Variants in STX8 observed in about 807,000 individuals in gnomAD.
The protein encoded by STX8 is syntaxin-8.
A neutral mutation model predicts 37.5 loss-of-function variants in STX8; 23 were observed. The ratio of observed to expected loss-of-function variants is 0.61; its 90% CI spans 0.44 to 0.87. The LOEUF is 0.87. STX8 is among the 40% of genes least tolerant of loss of function. The probability of loss-of-function intolerance (pLI) is 0.00; values close to 1 mark genes in which losing one functional copy is unlikely to be tolerated. For missense variants in STX8, 313 were observed against 284.7 expected (o/e 1.10, Z -0.71); for synonymous variants, 115 against 99.1 (o/e 1.16, Z -0.95).
chr17:9,457,967 AC>A (rs934920407), intron 6 of STX8, among the ~76,000 whole-genome samples: 1 of 152,226 alleles, frequency 6.6e-6, no homozygotes, highest in Non-Finnish European at 1.5e-5. Flanking sequence ...CATCATATTC[AC>A]TATAATGTAG....
chr17:9,257,759 G>A (rs764278090), intron 7 of STX8, among the ~76,000 whole-genome samples: 3 of 152,240 alleles, frequency 2.0e-5, no homozygotes, highest in Non-Finnish European at 2.9e-5. Context: ...AGGCCAAGGC[G>A]AGTGGATCAC....
intron 2 of STX8, among the ~76,000 whole-genome samples, chr17:9,560,825 T>C (rs887133647): frequency 3.3e-5 from 5 of 151,786 alleles, no homozygotes; most frequent in Non-Finnish European, 7.4e-5. Flanking sequence ...ACCATGAATA[T>C]GTATAATGTT....
chr17:9,300,523 A>G (rs905996221), intron 7 of STX8, among the ~76,000 whole-genome samples: 6 of 151,962 alleles, frequency 3.9e-5, no homozygotes, highest in Non-Finnish European at 7.4e-5. Context: ...TCGTAGATCT[A>G]CTTCTTGTTG....
At chr17:9,290,748 T>C (rs1908284251) in intron 7 of STX8, among the ~76,000 whole-genome samples, 1 of 152,186 alleles carries the variant, frequency 6.6e-6, no homozygotes, top group African/African-American at 2.4e-5. Context: ...ATATCCGATA[T>C]ATACCTGTAG....
intron 7 of STX8, among the ~76,000 whole-genome samples, chr17:9,298,680 C>T (rs1350959961): frequency 1.3e-5 from 2 of 152,040 alleles, no homozygotes; most frequent in African/African-American, 4.8e-5. Flanking sequence ...GGTGTGGTGG[C>T]GGACATCTGT....
chr17:9,430,649 CT>C (rs34803730), intron 6 of STX8, among the ~76,000 whole-genome samples: 53,123 of 120,380 alleles, frequency 0.44, 9,235 homozygotes, highest in African/African-American at 0.55. Flanking sequence ...GTGGTTTTGG[CT>C]TTTTTTTTTT....
rs35962202 is a variant in STX8 at position 9,535,424 on chromosome 17, C to CTTTTTTTTTTTTTTTTTTTT, written c.323+9728_323+9747dup. ...CATACCCTCTGACCCAGCCATCCTA[C>CTTTTTTTTTTTTTTTTTTTT]TTTTTTTTTTTTTTTTTTTTTTTTT... On this transcript the variant is annotated intron_variant, in intron 4 of 7. Transcript: ENST00000306357. Among the ~76,000 whole-genome samples, 145 of 51,560 alleles carry CTTTTTTTTTTTTTTTTTTTT rather than the reference C, an allele frequency of 2.8e-3. 33 individuals carry two copies. Among genetic ancestry groups the CTTTTTTTTTTTTTTTTTTTT allele is most frequent in the Admixed American group, 6.3e-3 (17 of 2,686 alleles). The allele number at this position is 51,560 out of a possible 152,430, so 33.8% of individuals were successfully genotyped here.
rs369030573 is a variant in STX8, at chr17:9,558,095, G to A, written c.118-567C>T. Among the ~76,000 whole-genome samples, 5 of 152,208 alleles carry A rather than the reference G, an allele frequency of 3.3e-5. No individual in the cohort carries two copies. In the South Asian group the frequency reaches 1.0e-3, roughly 32 times the overall value. ...CATGACTCTTTTCCCAGGAGGGTGCGCATTTTCTCCAATCATCCTACAGGA... is the reference window on the plus strand; with the variant it reads ...CATGACTCTTTTCCCAGGAGGGTGCACATTTTCTCCAATCATCCTACAGGA... On this transcript the variant is annotated intron_variant, in intron 2 of 7. Transcript: ENST00000306357.
chr17:9,440,633 T>C (rs1163192381), intron 6 of STX8, among the ~76,000 whole-genome samples: 2 of 151,944 alleles, frequency 1.3e-5, no homozygotes, highest in East Asian at 3.9e-4. Context: ...CAAGCGATTC[T>C]CCCACCTCAG....
chr17:9,284,493 G>C (rs777805308), intron 7 of STX8, among the ~76,000 whole-genome samples: 6 of 152,190 alleles, frequency 3.9e-5, no homozygotes, highest in Admixed American at 6.5e-5. Flanking sequence ...GAGATACGGA[G>C]ATAAACAATA....
intron 6 of STX8, among the ~76,000 whole-genome samples, chr17:9,399,672 CCTGA>C (rs766184057): frequency 2.6e-5 from 4 of 151,970 alleles, no homozygotes; most frequent in Non-Finnish European, 4.4e-5. Context: ...TCGAGACCAG[CCTGA>C]CTAACATGGC....
At chr17:9,276,287 T>C (rs1305352913) in intron 7 of STX8, among the ~76,000 whole-genome samples, 1 of 152,174 alleles carries the variant, frequency 6.6e-6, no homozygotes, top group Non-Finnish European at 1.5e-5. Flanking sequence ...TCTGCCTTGG[T>C]TCCTAACGAA....
chr17:9,300,051 G>C (rs575403316), intron 7 of STX8, among the ~76,000 whole-genome samples: 4 of 152,042 alleles, frequency 2.6e-5, no homozygotes, highest in Non-Finnish European at 4.4e-5. Flanking sequence ...CCCCAATTAG[G>C]CAGGGTGCGG....
intron 7 of STX8, among the ~76,000 whole-genome samples, chr17:9,291,035 G>A (rs919411212): frequency 3.3e-5 from 5 of 152,280 alleles, no homozygotes; most frequent in Middle Eastern, 3.4e-3. Flanking sequence ...GAATCAACCC[G>A]AACAAATATT....
At chr17:9,269,760 C>T (rs375235815) in intron 7 of STX8, among the ~76,000 whole-genome samples, 20 of 152,270 alleles carry the variant, frequency 1.3e-4, no homozygotes, top group African/African-American at 4.8e-4. Flanking sequence ...CCTCCCACTC[C>T]GAGCATGCCA....
At chr17:9,254,885 A>G (rs565751111) in intron 7 of STX8, among the ~76,000 whole-genome samples, 18 of 152,272 alleles carry the variant, frequency 1.2e-4, no homozygotes, top group African/African-American at 4.1e-4. Flanking sequence ...CAAATGAGTA[A>G]ATGTATTGAA....
chr17:9,480,953 C>G lies in STX8; in HGVS notation c.541+10876G>C, dbSNP rs545361305. 6.6e-5 allele frequency among the ~76,000 whole-genome samples: 10 copies of G among 151,434 alleles called. No homozygotes were observed. In the South Asian group the frequency reaches 2.1e-3, roughly 31 times the overall value. ...AGGCTGGAGGGTAGTGGCATGATCT[C>G]AGCTCACTGCAAGCTCCGCCTCCTG... On this transcript the variant is annotated intron_variant, in intron 6 of 7. Transcript: ENST00000306357.
rs376503982 is a variant in STX8 at position 9,353,628 on chromosome 17, C to G, written c.643+24924G>C. Among the ~76,000 whole-genome samples the G allele has an allele frequency of 1.2e-4, 18 of 152,288 alleles. No individual in the cohort carries two copies. In the East Asian group the frequency reaches 2.3e-3, roughly 20 times the overall value. On this transcript the variant is annotated intron_variant, in intron 7 of 7. Transcript: ENST00000306357. ...TACTCTCCCCAACTAATACACAAAGCAGATCCAGAATTACTCTAATATCAC... is the reference window on the plus strand; with the variant it reads ...TACTCTCCCCAACTAATACACAAAGGAGATCCAGAATTACTCTAATATCAC...
At chr17:9,402,663 T>A (rs1185989771) in intron 6 of STX8, among the ~76,000 whole-genome samples, 1 of 152,138 alleles carries the variant, frequency 6.6e-6, no homozygotes, top group Non-Finnish European at 1.5e-5. Flanking sequence ...TCTATGTCAG[T>A]TAACAATTAA....
Sources: gnomAD v4.1 joint callset for allele counts (sites outside exome capture counted in the v4.1 genomes callset) on GRCh38, gnomAD v4.1.1 for gene constraint, MANE v1.5 for transcripts, NCBI Gene and HGNC (gene_info 2026-07-23, HGNC 2026-07-21) for gene names.